Variants in STAG3 observed in about 807,000 individuals in gnomAD.
STAG3 encodes cohesin subunit SA-3.
Under a neutral mutation model 160.7 loss-of-function variants are expected in STAG3, and 101 were observed. The observed-to-expected ratio is 0.63, with a 90% CI of 0.54 to 0.74. STAG3 has a LOEUF of 0.74. STAG3 is among the 30% of genes least tolerant of loss of function. The pLI is 0.00. For missense variants in STAG3, 1,188 were observed against 1,517.4 expected, an observed-to-expected ratio of 0.78 and a Z score of 3.61; for synonymous variants, 519 against 585.0, an observed-to-expected ratio of 0.89 and a Z score of 1.63.
chr7:100,203,664 A>G (rs978477869), intron 25 of STAG3, among the ~76,000 whole-genome samples: 1 of 151,378 alleles, frequency 6.6e-6, no homozygotes, highest in East Asian at 1.9e-4. Flanking sequence ...ACAGGCACCC[A>G]CCACCACGCC....
chr7:100,211,598 A>G, intron 31 of STAG3, 59 bp downstream of exon 31: 1 of 1,575,134 alleles, frequency 6.3e-7, no homozygotes, highest in Non-Finnish European at 8.7e-7. Flanking sequence ...CTGTGAGGGG[A>G]TTCCTGTCTC....
intron 8 of STAG3, among the ~76,000 whole-genome samples, chr7:100,194,103 G>A (rs1464935642): frequency 6.6e-6 from 1 of 151,708 alleles, no homozygotes; most frequent in East Asian, 1.9e-4. Context: ...GCCCGCCACC[G>A]CACCCAGCTA....
chr7:100,198,717 G>T, intron 13 of STAG3, 126 bp from the exon 14 acceptor site: 2 of 1,239,714 alleles, frequency 1.6e-6, no homozygotes, highest in African/African-American at 1.5e-5. Flanking sequence ...GCAGCTCCTT[G>T]GGGCTTTCCT....
intron 17 of STAG3, 58 bp downstream of exon 17, chr7:100,200,386 G>A: frequency 6.2e-7 from 1 of 1,612,914 alleles, no homozygotes; most frequent in Admixed American, 1.7e-5. Context: ...AATGGCCTCT[G>A]TGGGGGTGGG....
intron 29 of STAG3, among the ~76,000 whole-genome samples, chr7:100,209,488 A>G (rs1442467567): frequency 6.6e-6 from 1 of 152,240 alleles, no homozygotes; most frequent in African/African-American, 2.4e-5. Context: ...CATCTAAGGC[A>G]GAGACTGGCT....
At chr7:100,217,841 G>A (rs1228246888), downstream of STAG3, among the ~76,000 whole-genome samples, 2 of 152,106 alleles carry the variant, frequency 1.3e-5, no homozygotes, top group Non-Finnish European at 2.9e-5. Flanking sequence ...CTGCCATCTA[G>A]AAGGTGGAGC....
At chr7:100,180,345 C>G in intron 1 of STAG3, 148 bp from the exon 2 acceptor site, 1 of 482,284 alleles carries the variant, frequency 2.1e-6, no homozygotes, top group Non-Finnish European at 3.8e-6. Context: ...TAGGCATGAG[C>G]CACGGTGCCC....
chr7:100,213,603 C>T, intron 32 of STAG3, 132 bp from the exon 33 acceptor site: 1 of 1,508,270 alleles, frequency 6.6e-7, no homozygotes, highest in Non-Finnish European at 8.8e-7. Flanking sequence ...GACTTCCCTC[C>T]CAGGAGGTGC....
rs11531577 is a variant in STAG3 at position 100,180,604 on chromosome 7, G to T, written c.48G>T (p.Leu16Phe). Residue 16 changes from leucine to phenylalanine, a missense_variant, in exon 2 of 34, where the codon TTG becomes TTT. By Grantham distance (22) the Leu-to-Phe change is conservative. Coordinates refer to ENST00000615138, the MANE Select transcript of STAG3 (RefSeq NM_001282717.2). ...CTGTGGGAGATACCAAGAGGGCCTT[G>T]TCTGCATCTTCTAGTTCCTCTGCCA... ...QRAVGDTKRA[L>F]SASSSSSASL... The T allele has an allele frequency of 0.2, 327,365 of 1,608,446 alleles. 36,338 individuals are homozygous for T. Among genetic ancestry groups the T allele is most frequent in the Middle Eastern group, 0.37 (2,201 of 6,028 alleles).
At chr7:100,202,632 T>C (rs1464535464) in intron 25 of STAG3, 42 bp downstream of exon 25, 4 of 1,594,832 alleles carry the variant, frequency 2.5e-6, no homozygotes, top group African/African-American at 1.3e-5. Context: ...AGGGAGCAAG[T>C]TGAGCACAGC....
Position 100,197,826 on chromosome 7 carries a change from G to C in STAG3, c.1114G>C (p.Gly372Arg), listed in dbSNP as rs750293273. The change falls in exon 11 of 34, where the codon GGT (glycine) becomes CGT (arginine). Residue 372 changes from glycine (G) to arginine (R), a missense_variant. Gly to Arg is a moderately radical substitution (Grantham distance 125). Transcript: ENST00000615138. ...TGTGAAGGCCCTGAAAGGGCTGTAC[G>C]GTAACCGGGACCTGACCACACGCCT... ...KCVKALKGLY[G>R]NRDLTTRLEL... 1.9e-6 allele frequency: 3 copies of C among 1,613,694 alleles called. No homozygotes were observed. In the African/African-American group the frequency reaches 4.0e-5, roughly 22 times the overall value.
At chr7:100,190,053 A>G (rs1006581698) in intron 8 of STAG3, among the ~76,000 whole-genome samples, 2 of 152,220 alleles carry the variant, frequency 1.3e-5, no homozygotes, top group Non-Finnish European at 2.9e-5. Context: ...TTTAGTCACT[A>G]GCTCCATAGC....
intron 29 of STAG3, among the ~76,000 whole-genome samples, chr7:100,208,071 G>C (rs1361717718): frequency 6.6e-6 from 1 of 151,608 alleles, no homozygotes; most frequent in African/African-American, 2.4e-5. Flanking sequence ...AGCCGAGATT[G>C]TTCCACTGCA....
chr7:100,205,234 T>C lies in STAG3; in HGVS notation c.3088T>C (p.Tyr1030His), dbSNP rs746154868. Residue 1030 changes from tyrosine (Y) to histidine (H), a missense_variant, in exon 29 of 34, where the codon TAT becomes CAT. By Grantham distance (83) the Tyr-to-His change is moderately conservative. Coordinates refer to ENST00000615138, the MANE Select transcript of STAG3 (RefSeq NM_001282717.2). The stretch of plus-strand genomic sequence containing the variant: ...GTTCTACCTCTTTCATAGACTGTCC[T>C]ATCTAGAAAAGTGCCTGCAGCATGT... The part of the protein sequence containing the change: ...FHQDKQLLLS[Y>H]LEKCLQHVSQ... 2 of 1,613,850 alleles carry C rather than the reference T, an allele frequency of 1.2e-6. No homozygotes were observed. The highest frequency in any genetic ancestry group is 1.7e-6 in the Non-Finnish European group (2 of 1,179,940).
chr7:100,190,978 G>C (rs1237934031), intron 8 of STAG3, among the ~76,000 whole-genome samples: 1 of 152,124 alleles, frequency 6.6e-6, no homozygotes, highest in Non-Finnish European at 1.5e-5. Context: ...AGTATGTCCT[G>C]TCGAAAATGA....
intron 10 of STAG3, 179 bp from the exon 11 acceptor site, chr7:100,197,599 C>G: frequency 1.5e-6 from 1 of 673,208 alleles, no homozygotes; most frequent in Admixed American, 2.6e-5. Flanking sequence ...CTGCTGTGAT[C>G]CTTTTGTTTT....
chr7:100,204,533 C>T, intron 26 of STAG3, 94 bp from the exon 27 acceptor site: 1 of 1,496,694 alleles, frequency 6.7e-7, no homozygotes, highest in Non-Finnish European at 9.0e-7. Context: ...GTCCCAAGGC[C>T]TTTGGAATTT....
chr7:100,189,066 T>C, intron 7 of STAG3, 50 bp downstream of exon 7: 4 of 1,591,206 alleles, frequency 2.5e-6, no homozygotes, highest in Non-Finnish European at 2.6e-6. Context: ...TTATAGGACT[T>C]TCCTCTGTTC....
intron 4 of STAG3, among the ~76,000 whole-genome samples, chr7:100,184,302 C>G (rs1003795052): frequency 3.3e-5 from 5 of 151,470 alleles, no homozygotes; most frequent in Non-Finnish European, 7.4e-5. Context: ...GGAGACTTAG[C>G]CTTATGGCCT....
Sources: gnomAD v4.1 joint callset for allele counts (sites outside exome capture counted in the v4.1 genomes callset) on GRCh38, gnomAD v4.1.1 for gene constraint, MANE v1.5 for transcripts, NCBI Gene and HGNC (gene_info 2026-07-23, HGNC 2026-07-21) for gene names.